Variants in UBE2V2 observed in about 807,000 individuals in gnomAD.
The protein encoded by UBE2V2 is ubiquitin conjugating enzyme E2 V2.
A neutral mutation model predicts 17.2 loss-of-function variants in UBE2V2; 9 were observed. The observed-to-expected ratio is 0.52, with a 90% CI of 0.32 to 0.91. The LOEUF is 0.91. Ranked by LOEUF, UBE2V2 falls within the 40% of genes least tolerant of loss-of-function variation. UBE2V2 has a pLI of 0.04. For synonymous variants in UBE2V2, 61 were observed against 57.5 expected (o/e 1.06, Z -0.28); for missense variants, 133 against 182.6 (o/e 0.73, Z 1.56).
chr8:48,036,461 TCTCA>T (rs1439937292), intron 1 of UBE2V2, among the ~76,000 whole-genome samples: 6 of 151,302 alleles, frequency 4.0e-5, no homozygotes, highest in Admixed American at 6.6e-5. Context: ...TGAGACAGAG[TCTCA>T]CTCTGTCACT....
chr8:48,019,052 G>T (rs1055830795), intron 1 of UBE2V2, among the ~76,000 whole-genome samples: 2 of 151,868 alleles, frequency 1.3e-5, no homozygotes, highest in African/African-American at 4.8e-5. Flanking sequence ...CCAACATGGC[G>T]AAATCCCATC....
rs369537349 is a variant in UBE2V2 at position 48,033,171 on chromosome 8, A to AT, written c.17-9854dup. ...CTTTACAAGGCAAAAAGACTCAGTG[A>AT]TTTTTTTTATTCTTTTTCCATTTTT... On this transcript the variant is annotated intron_variant, in intron 1 of 3. Coordinates refer to ENST00000523111, the MANE Select transcript of UBE2V2 (RefSeq NM_003350.3). Among the ~76,000 whole-genome samples, 78 of 151,840 alleles carry AT rather than the reference A, an allele frequency of 5.1e-4. 1 individual carries two copies. Among genetic ancestry groups the AT allele is most frequent in the African/African-American group, 1.5e-3 (63 of 41,404 alleles).
At chr8:48,036,626 G>A (rs1328155946) in intron 1 of UBE2V2, among the ~76,000 whole-genome samples, 3 of 151,444 alleles carry the variant, frequency 2.0e-5, no homozygotes, top group African/African-American at 4.8e-5. Flanking sequence ...GGCTAGAGAC[G>A]GGGTTTCATC....
At chr8:48,028,004 C>T (rs2091357087) in intron 1 of UBE2V2, among the ~76,000 whole-genome samples, 1 of 151,824 alleles carries the variant, frequency 6.6e-6, no homozygotes, top group Non-Finnish European at 1.5e-5. Flanking sequence ...CAGGTGCCCA[C>T]CACCACGCCT....
At chr8:48,060,589 T>G in intron 3 of UBE2V2, 93 bp from the exon 4 acceptor site, 1 of 1,239,528 alleles carries the variant, frequency 8.1e-7, no homozygotes, top group Non-Finnish European at 1.0e-6. Flanking sequence ...AGCTATGAAT[T>G]TTCAAAATCA....
intron 1 of UBE2V2, among the ~76,000 whole-genome samples, chr8:48,010,723 T>G (rs1456394232): frequency 1.8e-5 from 2 of 112,156 alleles, no homozygotes; most frequent in South Asian, 5.7e-4. Flanking sequence ...TGAGACTGAG[T>G]CTCTCGCTTC....
At chr8:48,015,545 G>A (rs916849067) in intron 1 of UBE2V2, among the ~76,000 whole-genome samples, 4 of 152,092 alleles carry the variant, frequency 2.6e-5, no homozygotes, top group African/African-American at 7.2e-5. Context: ...AATACAGTAT[G>A]TTGTTAACTA....
At chr8:48,001,712 C>T in the UBE2V2 span, among the ~76,000 whole-genome samples, 1 of 152,266 alleles carries the variant, frequency 6.6e-6, no homozygotes, top group African/African-American at 2.4e-5. Flanking sequence ...ATTTGCAAAC[C>T]ATACATCTGA....
intron 1 of UBE2V2, among the ~76,000 whole-genome samples, chr8:48,025,911 A>G (rs995251603): frequency 6.6e-6 from 1 of 151,896 alleles, no homozygotes; most frequent in Non-Finnish European, 1.5e-5. Context: ...TGGATTTTCT[A>G]TCTGAGGTTT....
chr8:48,035,635 G>T (rs202080517), intron 1 of UBE2V2, among the ~76,000 whole-genome samples: 3,833 of 87,878 alleles, frequency 0.044, 161 homozygotes, highest in African/African-American at 0.14. Context: ...TTTTTTTTGT[G>T]TGTGTGTGTG....
chr8:48,027,261 A>G (rs939161000), intron 1 of UBE2V2, among the ~76,000 whole-genome samples: 1 of 152,164 alleles, frequency 6.6e-6, no homozygotes, highest in Non-Finnish European at 1.5e-5. Flanking sequence ...TTGAACTCCC[A>G]AAGTGCTGGG....
rs201716659 is a variant in UBE2V2 at position 48,035,631 on chromosome 8, TTGTGTGTGTG to T, written c.17-7382_17-7373del. Among the ~76,000 whole-genome samples, 11 of 109,540 alleles carry T rather than the reference TTGTGTGTGTG, an allele frequency of 1.0e-4. No individual in the cohort carries two copies. The East Asian group carries it at 2.7e-3, about 27-fold the overall frequency. The allele number at this position is 109,540 out of a possible 152,430, so 71.9% of individuals were successfully genotyped here. ...TTTAAAAATTATTGTTTTTTTTTTT[TTGTGTGTGTG>T]TGTGTGTGTGTGTGTGTGTATATGT... is the stretch of plus-strand genomic sequence containing the variant. On this transcript the variant is annotated intron_variant, in intron 1 of 3. Transcript: ENST00000523111.
At chr8:48,014,508 G>A (rs1454833203) in intron 1 of UBE2V2, among the ~76,000 whole-genome samples, 1 of 151,844 alleles carries the variant, frequency 6.6e-6, no homozygotes, top group Admixed American at 6.6e-5. Context: ...AGCCGAGTGT[G>A]GTGATGGGCG....
At chr8:48,013,942 T>G (rs1206539523) in intron 1 of UBE2V2, among the ~76,000 whole-genome samples, 1 of 152,216 alleles carries the variant, frequency 6.6e-6, no homozygotes, top group Non-Finnish European at 1.5e-5. Context: ...GTGAAAAGAT[T>G]GGACAACATC....
intron 1 of UBE2V2, chr8:48,042,332 A>G (rs1433508453): frequency 1.3e-5 from 2 of 152,246 alleles, no homozygotes; most frequent in Non-Finnish European, 2.9e-5. Context: ...TATTACCAAT[A>G]GCATTTAAGA....
At chr8:48,008,423 G>C, upstream of UBE2V2, 1 of 1,560,916 alleles carries the variant, frequency 6.4e-7, no homozygotes, top group Non-Finnish European at 8.6e-7. Context: ...TCGTGCGTGC[G>C]TGCGGGCGGC....
chr8:48,015,487 A>G (rs1012230603), intron 1 of UBE2V2, among the ~76,000 whole-genome samples: 1 of 152,218 alleles, frequency 6.6e-6, no homozygotes, highest in Non-Finnish European at 1.5e-5. Flanking sequence ...TCACATAGTT[A>G]TCATTTTTGT....
At chr8:48,010,298 A>T (rs1224489573) in intron 1 of UBE2V2, among the ~76,000 whole-genome samples, 1 of 147,418 alleles carries the variant, frequency 6.8e-6, no homozygotes, top group Non-Finnish European at 1.5e-5. Flanking sequence ...GTGCAGTGGC[A>T]TGATCTTGGC....
At chr8:48,058,991 C>T (rs1056688244) in intron 3 of UBE2V2, among the ~76,000 whole-genome samples, 1 of 152,008 alleles carries the variant, frequency 6.6e-6, no homozygotes, top group Non-Finnish European at 1.5e-5. Flanking sequence ...ACTGCAACCT[C>T]CGCCTCCCAG....
Sources: gnomAD v4.1 joint callset for allele counts (sites outside exome capture counted in the v4.1 genomes callset) on GRCh38, gnomAD v4.1.1 for gene constraint, MANE v1.5 for transcripts, NCBI Gene and HGNC (gene_info 2026-07-23, HGNC 2026-07-21) for gene names.